The following GTF2F1 variants were observed in gnomAD, a reference collection of about 807,000 sequenced individuals.
The protein encoded by GTF2F1 is general transcription factor IIF subunit 1, also known as general transcription factor IIF 74 kDa subunit.
A neutral mutation model predicts 63.5 loss-of-function variants in GTF2F1; 39 were observed. The observed-to-expected ratio is 0.61, with a 90% confidence interval of 0.48 to 0.80. The LOEUF (loss-of-function observed/expected upper bound fraction) is 0.80. Among genes scored for constraint, GTF2F1 ranks in the 30% least tolerant of loss-of-function variants. The probability of loss-of-function intolerance (pLI) is 0.00; values close to 1 mark genes in which losing one functional copy is unlikely to be tolerated. For synonymous variants in GTF2F1, 287 were observed against 285.3 expected (o/e 1.01, Z -0.06); for missense variants, 657 against 718.3 (o/e 0.91, Z 0.97).
rs376212238 is a variant in GTF2F1 at position 6,381,663 on chromosome 19, A to C, written c.836+34T>G. On this transcript the variant is annotated intron_variant, in intron 7 of 12. Coordinates refer to ENST00000394456, the MANE Select transcript of GTF2F1 (RefSeq NM_002096.3). This position sits in a 1 kb window ranked among gnomAD's most constrained non-coding sequence, Gnocchi z 4.1. ...GATGAGCGCGCGCTCGCGAGGCTGC[A>C]TGGGGTCTCGCAGGCGCCTCCCGTC... is the stretch of plus-strand genomic sequence containing the variant. The C allele has an allele frequency of 6.8e-6, 11 of 1,613,948 alleles. No individual in the cohort carries two copies. The African/African-American group carries it at 1.3e-4, about 20-fold the overall frequency.
intron 2 of GTF2F1, chr19:6,392,489 A>G: frequency 1.9e-6 from 1 of 529,312 alleles, no homozygotes; most frequent in Non-Finnish European, 3.6e-6. Flanking sequence ...TTAGGGGTTG[A>G]GGGGAGGCAC....
rs780385110 is a variant in GTF2F1 at position 6,393,027 on chromosome 19, A to C, written c.-32T>G. The stretch of plus-strand genomic sequence containing the variant: ...TGGTCAGTGGTTCCGATCTGGTCCG[A>C]CCCGGGTTCCTTTCGTCTCCTCTGG... On this transcript the variant is annotated 5_prime_UTR_variant, in exon 1 of 13. Transcript: ENST00000394456. The C allele has an allele frequency of 4.3e-6, 7 of 1,612,830 alleles. No homozygotes were observed. Among genetic ancestry groups the C allele is most frequent in the Middle Eastern group, 1.9e-4 (1 of 5,346 alleles).
In GTF2F1 at chr19:6,383,156, C is replaced by A. The variant is rs2091960179; in HGVS notation, c.682+155G>T. Among the ~76,000 whole-genome samples, 1 of 152,228 alleles carries A rather than the reference C, an allele frequency of 6.6e-6. No homozygotes were observed. Among genetic ancestry groups the A allele is most frequent in the African/African-American group, 2.4e-5 (1 of 41,458 alleles). On this transcript the variant is annotated intron_variant, in intron 6 of 12. Transcript: ENST00000394456. The surrounding 1 kb of genome is among the most constrained non-coding windows in gnomAD (Gnocchi z 4.5). Reference sequence around the variant, plus strand: ...ATCTCAGGTGATCTGCCTGCCTCAGCCTCTCAAAGTGCTGGGATGACAGGC... The same window carrying A: ...ATCTCAGGTGATCTGCCTGCCTCAGACTCTCAAAGTGCTGGGATGACAGGC...
rs142704916 is a variant in GTF2F1 at position 6,381,735 on chromosome 19, G to A, written c.798C>T (p.Phe266=). 2.0e-5 allele frequency: 33 copies of A among 1,614,132 alleles called. No individual in the cohort carries two copies. Among genetic ancestry groups the A allele is most frequent in the South Asian group, 1.9e-4 (17 of 91,086 alleles). ...EAFEDSDDGD[F]EGQEVDYMSD... ...ACATGTAGTCCACCTCTTGGCCCTC[G>A]AAGTCCCCATCATCGCTGTCCTCGA... Residue 266 remains phenylalanine (F), a synonymous_variant, in exon 7 of 13, where the codon TTC becomes TTT. Coordinates refer to ENST00000394456, the MANE Select transcript of GTF2F1 (RefSeq NM_002096.3). This position sits in a 1 kb window ranked among gnomAD's most constrained non-coding sequence, Gnocchi z 4.1.
rs752254444 is a variant in GTF2F1, at chr19:6,387,527, T to C, written c.359A>G (p.Glu120Gly). 1.2e-6 allele frequency: 2 copies of C among 1,614,198 alleles called. No homozygotes were observed. Among genetic ancestry groups the C allele is most frequent in the Non-Finnish European group, 8.5e-7 (1 of 1,180,006 alleles). ...FKGIKKGGVT[E>G]NTSYYIFTQC... ...GGTGAAGATGTAGTAGGACGTGTTC[T>C]CTGTTACGCCTCCCTTCTTGATGCC... Residue 120 changes from glutamate (E) to glycine (G), a missense_variant, in exon 5 of 13, where the codon GAG (glutamate) becomes GGG (glycine). This residue lies in a region of GTF2F1 where 602 missense variants were observed against 625.6 expected (regional missense o/e 0.96). Transcript: ENST00000394456.
rs763789216 is a variant in GTF2F1, at chr19:6,380,455, G to T, written c.1380C>A (p.Arg460=). ...GDVQVTEDAV[R]RYLTRKPMTT... ...TCATGGGCTTCCGTGTCAGGTAGCG[G>T]CGCACGGCATCCTCAGTCACCTGCA... Residue 460 remains arginine, a synonymous_variant, in exon 13 of 13, where the codon CGC becomes CGA. Coordinates refer to ENST00000394456, the MANE Select transcript of GTF2F1 (RefSeq NM_002096.3). The surrounding 1 kb of genome is among the most constrained non-coding windows in gnomAD (Gnocchi z 5.3). The T allele has an allele frequency of 1.9e-6, 3 of 1,614,068 alleles. No individual in the cohort carries two copies. In the South Asian group the frequency reaches 3.3e-5, roughly 18 times the overall value.
At chr19:6,392,082 C>G in intron 2 of GTF2F1, 108 bp from the exon 3 acceptor site, 7 of 683,402 alleles carry the variant, frequency 1.0e-5, no homozygotes, top group Non-Finnish European at 1.4e-5. Flanking sequence ...CCAACTGGAT[C>G]GTTAATTCAA....
At chr19:6,391,461 T>G (rs1047853799) in intron 3 of GTF2F1, among the ~76,000 whole-genome samples, 26 of 143,996 alleles carry the variant, frequency 1.8e-4, no homozygotes, top group African/African-American at 6.0e-4. Flanking sequence ...TTTTTTTTTT[T>G]TTTTTTTTTG....
intron 4 of GTF2F1, 26 bp from the exon 5 acceptor site, chr19:6,387,585 G>A: frequency 6.2e-7 from 1 of 1,606,186 alleles, no homozygotes; most frequent in Non-Finnish European, 8.5e-7. Context: ...GTCATGGCCT[G>A]GCCCATAGGG....
At chr19:6,386,604 C>T (rs918495236) in intron 5 of GTF2F1, among the ~76,000 whole-genome samples, 7 of 151,964 alleles carry the variant, frequency 4.6e-5, no homozygotes, top group African/African-American at 1.4e-4. Flanking sequence ...CCACCATGCC[C>T]GGCTAATTTT....
chr19:6,380,876 G>A lies in GTF2F1; in HGVS notation c.1231+28C>T. 1.3e-6 allele frequency: 2 copies of A among 1,529,732 alleles called. No individual in the cohort carries two copies. The highest frequency in any genetic ancestry group is 2.0e-5 in the Admixed American group (1 of 50,674). 94.8% of individuals were successfully genotyped at this position (1,529,732 alleles called of 1,614,324 possible). A position where few individuals can be genotyped will look rare whatever the true frequency, so the allele number is the denominator to read the frequency against. On this transcript the variant is annotated intron_variant, in intron 11 of 12. Transcript: ENST00000394456. The surrounding 1 kb of genome is among the most constrained non-coding windows in gnomAD (Gnocchi z 5.3). ...GTCAGGAGGCTGTGGCTGTGGCTGT[G>A]GGGAGCGGGGAGGCCACGGGCACTC... is the stretch of plus-strand genomic sequence containing the variant.
chr19:6,382,670 C>G (rs951118756), intron 6 of GTF2F1, among the ~76,000 whole-genome samples: 2 of 149,856 alleles, frequency 1.3e-5, no homozygotes, highest in African/African-American at 4.9e-5. Flanking sequence ...TGGTGGTGCA[C>G]GCCTGTAGTC....
chr19:6,380,116 A>G lies in GTF2F1; in HGVS notation c.*165T>C. ...CTTAACTTTTCCAGAATTGCTAACT[A>G]CGGGGCCCTGGGAGTCAGGGAGCAA... is the stretch of plus-strand genomic sequence containing the variant. On this transcript the variant is annotated 3_prime_UTR_variant, in exon 13 of 13. Transcript: ENST00000394456. The surrounding 1 kb of genome is among the most constrained non-coding windows in gnomAD (Gnocchi z 5.3). 1 of 694,332 alleles carries G rather than the reference A, an allele frequency of 1.4e-6. No individual in the cohort carries two copies. The highest frequency in any genetic ancestry group is 2.6e-6 in the Non-Finnish European group (1 of 386,910). The allele number at this position is 694,332 out of a possible 1,614,324, so 43.0% of individuals were successfully genotyped here.
At position 6,380,224 on chromosome 19, in the gene GTF2F1, G is replaced by T; in HGVS notation, c.*57C>A. On this transcript the variant is annotated 3_prime_UTR_variant, in exon 13 of 13. Coordinates refer to ENST00000394456, the MANE Select transcript of GTF2F1 (RefSeq NM_002096.3). The surrounding 1 kb of genome is among the most constrained non-coding windows in gnomAD (Gnocchi z 5.3). ...GGACAGAGCCTCACTCTAGGATGGC[G>T]AAGGGGCAGTGAGAGCCTTAAGTTC... The T allele has an allele frequency of 7.1e-7, 1 of 1,409,654 alleles. No homozygotes were observed. 87.3% of individuals were successfully genotyped at this position (1,409,654 alleles called of 1,614,324 possible).
chr19:6,380,746 A>G lies in GTF2F1; in HGVS notation c.1232-56T>C, dbSNP rs2091943996. On this transcript the variant is annotated intron_variant, in intron 11 of 12. Transcript: ENST00000394456. This position sits in a 1 kb window ranked among gnomAD's most constrained non-coding sequence, Gnocchi z 5.3. ...CAGGCAGGAGGCAGAACCCCTGGGC[A>G]GGACCCCAGGCTGGGCAGTGCCAGG... 2 of 1,576,188 alleles carry G rather than the reference A, an allele frequency of 1.3e-6. No individual in the cohort carries two copies. Among genetic ancestry groups the G allele is most frequent in the South Asian group, 2.2e-5 (2 of 90,376 alleles).
chr19:6,383,138 G>C lies in GTF2F1; in HGVS notation c.682+173C>G, dbSNP rs2091960151. Among the ~76,000 whole-genome samples, 1 of 152,192 alleles carries C rather than the reference G, an allele frequency of 6.6e-6. No individual in the cohort carries two copies. Among genetic ancestry groups the C allele is most frequent in the African/African-American group, 2.4e-5 (1 of 41,454 alleles). On this transcript the variant is annotated intron_variant, in intron 6 of 12. Coordinates refer to ENST00000394456, the MANE Select transcript of GTF2F1 (RefSeq NM_002096.3). The surrounding 1 kb of genome is among the most constrained non-coding windows in gnomAD (Gnocchi z 4.5). The stretch of plus-strand genomic sequence containing the variant: ...GCTGGTCTCAAACTCCTGATCTCAG[G>C]TGATCTGCCTGCCTCAGCCTCTCAA...
Position 6,381,939 on chromosome 19 carries a change from G to T in GTF2F1, c.683-89C>A. 2 of 1,133,228 alleles carry T rather than the reference G, an allele frequency of 1.8e-6. No individual in the cohort carries two copies. Among genetic ancestry groups the T allele is most frequent in the Non-Finnish European group, 1.3e-6 (1 of 788,408 alleles). The allele number at this position is 1,133,228 out of a possible 1,614,324, so 70.2% of individuals were successfully genotyped here. On this transcript the variant is annotated intron_variant, in intron 6 of 12. Transcript: ENST00000394456. The surrounding 1 kb of genome is among the most constrained non-coding windows in gnomAD (Gnocchi z 4.1). ...TGTTTTTCACATTTTGTGCAGTTTT[G>T]ACATCCTGGGGGGCCTCACTGACTG...
rs182194001 is a variant in GTF2F1, at chr19:6,380,794, G to A, written c.1232-104C>T. 1.8e-3 allele frequency: 2,798 copies of A among 1,518,554 alleles called. 2 individuals carry two copies. Among genetic ancestry groups the A allele is most frequent in the Admixed American group, 2.9e-3 (159 of 55,182 alleles). The allele number at this position is 1,518,554 out of a possible 1,614,324, so 94.1% of individuals were successfully genotyped here. ...AGGATTAGGGTTCAAGGGGATCAGG[G>A]AGAGACAGGCCTCCACCCGCATCTC... On this transcript the variant is annotated intron_variant, in intron 11 of 12. Coordinates refer to ENST00000394456, the MANE Select transcript of GTF2F1 (RefSeq NM_002096.3). This position sits in a 1 kb window ranked among gnomAD's most constrained non-coding sequence, Gnocchi z 5.3.
chr19:6,381,889 G>C lies in GTF2F1; in HGVS notation c.683-39C>G. On this transcript the variant is annotated intron_variant, in intron 6 of 12. Coordinates refer to ENST00000394456, the MANE Select transcript of GTF2F1 (RefSeq NM_002096.3). This position sits in a 1 kb window ranked among gnomAD's most constrained non-coding sequence, Gnocchi z 4.1. The stretch of plus-strand genomic sequence containing the variant: ...AAAGGAAGGAAAGGAGGGAAAGTGA[G>C]GAGGAAGGCAGTGGGTATTTATTGT... The C allele has an allele frequency of 6.5e-7, 1 of 1,529,128 alleles. No individual in the cohort carries two copies. Among genetic ancestry groups the C allele is most frequent in the Non-Finnish European group, 9.0e-7 (1 of 1,111,292 alleles). The allele number at this position is 1,529,128 out of a possible 1,614,324, so 94.7% of individuals were successfully genotyped here. A position where few individuals can be genotyped will look rare whatever the true frequency, so the allele number is the denominator to read the frequency against.
Sources: allele counts gnomAD v4.1 joint callset (sites outside exome capture counted in the v4.1 genomes callset), GRCh38; gene constraint gnomAD v4.1.1; regional missense constraint gnomAD v4.1.1; non-coding constraint Gnocchi (gnomAD v3.1); transcripts MANE v1.5; gene names NCBI Gene and HGNC (gene_info 2026-07-23, HGNC 2026-07-21).